The following PKIB variants were observed in gnomAD, a reference collection of about 807,000 sequenced individuals.
PKIB encodes PKI-beta.
A neutral mutation model predicts 4.5 loss-of-function variants in PKIB; 2 were observed. The observed-to-expected ratio is 0.44, with a 90% confidence interval of 0.18 to 1.39. The LOEUF (loss-of-function observed/expected upper bound fraction) is 1.39. Among genes scored for constraint, PKIB ranks in the 40% most tolerant of loss-of-function variants. The probability of loss-of-function intolerance (pLI) is 0.27; values close to 1 mark genes in which losing one functional copy is unlikely to be tolerated. For synonymous variants in PKIB, 38 were observed against 36.0 expected (o/e 1.06, Z -0.20); for missense variants, 94 against 92.6 (o/e 1.02, Z -0.06).
rs748288802 is a variant in PKIB at position 122,725,208 on chromosome 6, T to C, written c.*13T>C. ...TGAAGAAAAATGAAGGCTCATAATC[T>C]ATCAAGAGTGCTGAATTTCTGCATG... is the stretch of plus-strand genomic sequence containing the variant. On this transcript the variant is annotated 3_prime_UTR_variant, in exon 5 of 5. Coordinates refer to ENST00000368452, the MANE Select transcript of PKIB (RefSeq NM_181795.3). 9.4e-6 allele frequency: 15 copies of C among 1,597,814 alleles called. No homozygotes were observed. Among genetic ancestry groups the C allele is most frequent in the Non-Finnish European group, 1.2e-5 (14 of 1,170,202 alleles).
intron 1 of PKIB, among the ~76,000 whole-genome samples, chr6:122,472,228 T>G (rs1253131455): frequency 6.6e-6 from 1 of 152,218 alleles, no homozygotes; most frequent in Non-Finnish European, 1.5e-5. Flanking sequence ...TTTTCCCACG[T>G]TTGCATCCTG....
Position 122,717,834 on chromosome 6 carries a change from G to A in PKIB, c.40G>A (p.Gly14Arg). ...DSSKMTDVES[G>R]VANFASSARA... ...ATCAAAAATGACTGACGTGGAGTCT[G>A]GGGTCGCCAATTTTGCATCTTCAGC... Residue 14 changes from glycine to arginine, a missense_variant, in exon 4 of 5, where the codon GGG (glycine) becomes AGG (arginine). Physicochemically the swap from Gly to Arg is moderately radical, Grantham distance 125 (BLOSUM62 -2). Transcript: ENST00000368452. The A allele has an allele frequency of 1.2e-6, 2 of 1,613,902 alleles. No individual in the cohort carries two copies. Among genetic ancestry groups the A allele is most frequent in the Non-Finnish European group, 1.7e-6 (2 of 1,179,950 alleles).
At chr6:122,506,207 A>G (rs1328091293) in intron 2 of PKIB, among the ~76,000 whole-genome samples, 1 of 152,146 alleles carries the variant, frequency 6.6e-6, no homozygotes, top group African/African-American at 2.4e-5. Flanking sequence ...TGTGAAATCA[A>G]TACAGGTGAA....
intron 4 of PKIB, among the ~76,000 whole-genome samples, chr6:122,721,976 C>T (rs1291516913): frequency 6.6e-6 from 1 of 151,928 alleles, no homozygotes; most frequent in Non-Finnish European, 1.5e-5. Context: ...TTTGAAATGA[C>T]AGTAACAGGC....
At chr6:122,692,618 A>G (rs954315405) in intron 3 of PKIB, among the ~76,000 whole-genome samples, 1 of 150,170 alleles carries the variant, frequency 6.7e-6, no homozygotes, top group African/African-American at 2.4e-5. Context: ...AGGTCCAGAA[A>G]TGCCATCCAA....
intron 2 of PKIB, among the ~76,000 whole-genome samples, chr6:122,562,140 G>A (rs368728145): frequency 7.7e-3 from 243 of 31,548 alleles, no homozygotes; most frequent in African/African-American, 0.023. Flanking sequence ...AGTTCTTGTC[G>A]TGGTGGCTTG....
intron 3 of PKIB, among the ~76,000 whole-genome samples, chr6:122,703,941 T>TAGAGAGAG (rs71021419): frequency 2.2e-5 from 2 of 90,774 alleles, no homozygotes; most frequent in East Asian, 4.6e-4. Flanking sequence ...TATATATATA[T>TAGAGAGAG]AGAGAGAGAG....
chr6:122,679,334 G>A (rs1777810439), intron 3 of PKIB, among the ~76,000 whole-genome samples: 1 of 152,224 alleles, frequency 6.6e-6, no homozygotes, highest in Admixed American at 6.5e-5. Context: ...AGCCTGGGAA[G>A]TAAGCAGAGT....
chr6:122,719,392 A>T (rs1779630672), intron 4 of PKIB, among the ~76,000 whole-genome samples: 1 of 152,200 alleles, frequency 6.6e-6, no homozygotes, highest in Non-Finnish European at 1.5e-5. Context: ...GTTAAAGATG[A>T]ATTTACAAAT....
intron 2 of PKIB, among the ~76,000 whole-genome samples, chr6:122,552,025 C>T (rs901039796): frequency 8.6e-5 from 13 of 151,944 alleles, no homozygotes; most frequent in Non-Finnish European, 1.3e-4. Context: ...TGTTGGTTCT[C>T]TGCTCTCTCC....
intron 3 of PKIB, among the ~76,000 whole-genome samples, chr6:122,591,546 A>G (rs900049848): frequency 1.3e-5 from 2 of 152,138 alleles, no homozygotes; most frequent in East Asian, 1.9e-4. Flanking sequence ...CAATGAGATT[A>G]TTTTTGTATA....
chr6:122,658,359 A>G (rs1343705570), intron 2 of PKIB, among the ~76,000 whole-genome samples: 1 of 152,224 alleles, frequency 6.6e-6, no homozygotes, highest in African/African-American at 2.4e-5. Context: ...AATTCATAAA[A>G]GTAATGATAC....
chr6:122,533,259 T>G (rs1002907122), intron 2 of PKIB, among the ~76,000 whole-genome samples: 6 of 152,150 alleles, frequency 3.9e-5, no homozygotes, highest in Non-Finnish European at 5.9e-5. Flanking sequence ...AACCTCTGCT[T>G]CTGGGTCATA....
chr6:122,495,256 G>A (rs551755005), intron 2 of PKIB, among the ~76,000 whole-genome samples: 1 of 152,180 alleles, frequency 6.6e-6, no homozygotes, highest in East Asian at 1.9e-4. Context: ...GGAAGTGCAA[G>A]TGTATCACAT....
intron 2 of PKIB, among the ~76,000 whole-genome samples, chr6:122,521,361 T>A (rs1776941507): frequency 6.6e-6 from 1 of 152,114 alleles, no homozygotes; most frequent in South Asian, 2.1e-4. Flanking sequence ...TGAGAAATGG[T>A]TCACTGTTGT....
At position 122,519,960 on chromosome 6, in the gene PKIB, C is replaced by T. The variant is rs545871825; in HGVS notation, c.-248+42021C>T. Reference sequence around the variant, plus strand: ...TTCACTGAACTGTTGGCATTTTTCTCATTTATCATGTAGTTTCCCACCTTC... The same window carrying T: ...TTCACTGAACTGTTGGCATTTTTCTTATTTATCATGTAGTTTCCCACCTTC... On this transcript the variant is annotated intron_variant, in intron 2 of 6. Transcript: ENST00000392491. Among the ~76,000 whole-genome samples the T allele has an allele frequency of 3.9e-5, 6 of 152,294 alleles. No individual in the cohort carries two copies. The East Asian group carries it at 1.2e-3, about 29-fold the overall frequency.
chr6:122,581,612 T>C (rs1179776005), intron 2 of PKIB, among the ~76,000 whole-genome samples: 1 of 152,162 alleles, frequency 6.6e-6, no homozygotes, highest in East Asian at 1.9e-4. Context: ...ATTAAAGGTT[T>C]AAAATTAATT....
intron 2 of PKIB, among the ~76,000 whole-genome samples, chr6:122,522,507 C>A (rs947230077): frequency 1.3e-5 from 2 of 152,114 alleles, no homozygotes; most frequent in African/African-American, 4.8e-5. Context: ...CAGTGTCTGC[C>A]CAAACAGCCA....
chr6:122,509,468 T>C (rs1455177065), intron 2 of PKIB, among the ~76,000 whole-genome samples: 1 of 151,942 alleles, frequency 6.6e-6, no homozygotes, highest in African/African-American at 2.4e-5. Context: ...TCTCACTCTG[T>C]TGCCCAGGCT....
Sources: gnomAD v4.1 joint callset for allele counts (sites outside exome capture counted in the v4.1 genomes callset) on GRCh38, gnomAD v4.1.1 for gene constraint, MANE v1.5 for transcripts, NCBI Gene and HGNC (gene_info 2026-07-23, HGNC 2026-07-21) for gene names.